DAPK1: variants seen among roughly 807,000 people sequenced by gnomAD.
The protein encoded by DAPK1 is death associated protein kinase 1.
In DAPK1, 56 loss-of-function variants were observed where a neutral mutation model predicts 144.9. The ratio of observed to expected loss-of-function variants is 0.39; its 90% CI spans 0.31 to 0.48. The LOEUF (loss-of-function observed/expected upper bound fraction) is 0.48, where lower values mean the gene tolerates loss of function less well. Ranked by LOEUF, DAPK1 falls within the 20% of genes least tolerant of loss-of-function variation. The pLI is 0.95. For synonymous variants in DAPK1, 690 were observed against 749.0 expected (o/e 0.92, Z 1.29); for missense variants, 1,454 against 1,875.4 (o/e 0.78, Z 4.15).
chr9:87,645,322 ATTGTT>A (rs1165251952), intron 11 of DAPK1, among the ~76,000 whole-genome samples: 1 of 152,076 alleles, frequency 6.6e-6, no homozygotes, highest in Admixed American at 6.5e-5. Flanking sequence ...TTTAGAGCCT[ATTGTT>A]TTAATTTTTA....
intron 2 of DAPK1, among the ~76,000 whole-genome samples, chr9:87,512,009 G>T (rs1278456472): frequency 6.6e-6 from 1 of 151,818 alleles, no homozygotes; most frequent in Non-Finnish European, 1.5e-5. Context: ...ACCACGCCCG[G>T]CCTGATTTTA....
intron 24 of DAPK1, among the ~76,000 whole-genome samples, chr9:87,702,269 T>C (rs1188655169): frequency 6.6e-6 from 1 of 152,234 alleles, no homozygotes; most frequent in Non-Finnish European, 1.5e-5. Context: ...ATGTGGTTTC[T>C]AATTCAGAGG....
chr9:87,608,257 A>G (rs1019548873), intron 3 of DAPK1, among the ~76,000 whole-genome samples: 3 of 152,234 alleles, frequency 2.0e-5, no homozygotes, highest in Non-Finnish European at 4.4e-5. Context: ...ATCATACAGT[A>G]TGCAAGTGTT....
chr9:87,590,842 G>A (rs1043935940), intron 2 of DAPK1, among the ~76,000 whole-genome samples: 2 of 152,182 alleles, frequency 1.3e-5, no homozygotes, highest in African/African-American at 4.8e-5. Context: ...TCCCACCTCA[G>A]CCTCCCGAAG....
intron 2 of DAPK1, among the ~76,000 whole-genome samples, chr9:87,499,522 A>G (rs1211174117): frequency 2.0e-5 from 3 of 152,196 alleles, no homozygotes; most frequent in Non-Finnish European, 4.4e-5. Flanking sequence ...AAACTAATTA[A>G]TAGGTTTTAA....
At chr9:87,654,670 A>T (rs1830572418) in intron 17 of DAPK1, among the ~76,000 whole-genome samples, 2 of 152,216 alleles carry the variant, frequency 1.3e-5, no homozygotes, top group South Asian at 4.1e-4. Flanking sequence ...GTTTCCATCT[A>T]GGATTCTTTA....
rs757735127 is a variant in DAPK1 at position 87,706,701 on chromosome 9, G to T, written c.3630G>T (p.Leu1210=). The T allele has an allele frequency of 6.2e-7, 1 of 1,612,486 alleles. No homozygotes were observed. Among genetic ancestry groups the T allele is most frequent in the South Asian group, 1.1e-5 (1 of 91,062 alleles). The change falls in exon 26 of 26, where the codon CTG becomes CTT. Residue 1210 remains leucine (L), a synonymous_variant. Transcript: ENST00000408954. This position sits in a 1 kb window ranked among gnomAD's most constrained non-coding sequence, Gnocchi z 9.0. The part of the protein sequence containing the change: ...GLETEKIKCC[L]LLDSVCSTIE... ...AGACGGAGAAGATCAAGTGCTGCCT[G>T]CTGCTGGACTCGGTGTGCAGCACCA...
intron 2 of DAPK1, among the ~76,000 whole-genome samples, chr9:87,523,802 A>T (rs62562067): frequency 0.089 from 13,500 of 152,200 alleles, 872 homozygotes; most frequent in East Asian, 0.33. Flanking sequence ...GGATTCAACC[A>T]GGGAGATTTC....
chr9:87,577,723 G>A (rs141179586), intron 2 of DAPK1, among the ~76,000 whole-genome samples: 2,237 of 152,256 alleles, frequency 0.015, 53 homozygotes, highest in African/African-American at 0.052. Context: ...GCTTGAACCC[G>A]GGAGGCGGAG....
intron 18 of DAPK1, among the ~76,000 whole-genome samples, chr9:87,658,903 G>T (rs1830727886): frequency 6.6e-6 from 1 of 152,236 alleles, no homozygotes; most frequent in Admixed American, 6.5e-5. Context: ...GAGACCAAGA[G>T]GGCCTCATTT....
intron 3 of DAPK1, among the ~76,000 whole-genome samples, chr9:87,635,503 T>G (rs1289958922): frequency 2.6e-5 from 4 of 152,090 alleles, no homozygotes; most frequent in Non-Finnish European, 5.9e-5. Context: ...ACCTTCTTCC[T>G]GGGAAGCACA....
At chr9:87,532,366 C>T (rs1004461078) in intron 2 of DAPK1, among the ~76,000 whole-genome samples, 1 of 152,140 alleles carries the variant, frequency 6.6e-6, no homozygotes, top group African/African-American at 2.4e-5. Flanking sequence ...TTTGTTTGGT[C>T]TCTGGTTGCT....
intron 3 of DAPK1, among the ~76,000 whole-genome samples, chr9:87,635,129 AAGG>A (rs1829844924): frequency 2.0e-5 from 3 of 151,926 alleles, no homozygotes; most frequent in African/African-American, 7.3e-5. Flanking sequence ...CTGGCAGGAG[AAGG>A]AGATCCTGGG....
intron 21 of DAPK1, among the ~76,000 whole-genome samples, chr9:87,687,878 T>G (rs1824921298): frequency 6.6e-6 from 1 of 152,212 alleles, no homozygotes. Flanking sequence ...GGTTTTGATT[T>G]GCATTTCTTG....
At chr9:87,596,784 C>G (rs1828334104) in intron 2 of DAPK1, among the ~76,000 whole-genome samples, 1 of 152,170 alleles carries the variant, frequency 6.6e-6, no homozygotes, top group African/African-American at 2.4e-5. Context: ...TTCTGCTGAC[C>G]CATTGCTGCA....
At chr9:87,672,761 C>T (rs1034765102) in intron 19 of DAPK1, among the ~76,000 whole-genome samples, 2 of 152,196 alleles carry the variant, frequency 1.3e-5, no homozygotes, top group African/African-American at 4.8e-5. Context: ...CTGCTTGGCA[C>T]CTGGGCACAC....
chr9:87,507,168 A>G (rs1824632718), intron 2 of DAPK1, among the ~76,000 whole-genome samples: 1 of 152,198 alleles, frequency 6.6e-6, no homozygotes, highest in Non-Finnish European at 1.5e-5. Context: ...TATGGATCAC[A>G]CTGTGGTCAT....
intron 2 of DAPK1, among the ~76,000 whole-genome samples, chr9:87,590,369 C>CAAAAA (rs200588801): frequency 4.0e-4 from 34 of 85,526 alleles, no homozygotes; most frequent in African/African-American, 9.6e-4. Context: ...TCATTGGCCT[C>CAAAAA]AAAAAAAAAA....
intron 3 of DAPK1, among the ~76,000 whole-genome samples, chr9:87,606,440 GCTCC>G (rs1410454027): frequency 6.6e-6 from 1 of 151,786 alleles, no homozygotes; most frequent in East Asian, 1.9e-4. Flanking sequence ...ACATTAATAT[GCTCC>G]CTCCCTCCCT....
Sources: allele counts gnomAD v4.1 joint callset (sites outside exome capture counted in the v4.1 genomes callset), GRCh38; gene constraint gnomAD v4.1.1; non-coding constraint Gnocchi (gnomAD v3.1); transcripts MANE v1.5; gene names NCBI Gene and HGNC (gene_info 2026-07-23, HGNC 2026-07-21).